B3GLCT: variants seen among roughly 807,000 people sequenced by gnomAD.
The protein encoded by B3GLCT is beta 3-glucosyltransferase.
A neutral mutation model predicts 63.4 loss-of-function variants in B3GLCT; 65 were observed. That is an observed-to-expected ratio of 1.03 (90% CI 0.84 to 1.26). B3GLCT has a LOEUF of 1.26. Ranked by LOEUF, B3GLCT falls within the 50% of genes most tolerant of loss-of-function variation. The probability of loss-of-function intolerance (pLI) is 0.00; values close to 1 mark genes in which losing one functional copy is unlikely to be tolerated. For missense variants in B3GLCT, 577 were observed against 604.8 expected (o/e 0.95, Z 0.48); for synonymous variants, 233 against 219.2 (o/e 1.06, Z -0.55).
At chr13:31,210,038 G>A (rs959766472) in intron 1 of B3GLCT, among the ~76,000 whole-genome samples, 20 of 152,130 alleles carry the variant, frequency 1.3e-4, no homozygotes, top group African/African-American at 4.8e-4. Context: ...TTAATTACTC[G>A]CCAGTTTTCT....
rs1875877542 is a variant in B3GLCT, at chr13:31,330,688, T to G, written c.*1020T>G. On this transcript the variant is annotated 3_prime_UTR_variant, in exon 15 of 15. Transcript: ENST00000343307. ...CACAGTATTTTGAAACAGCTCTAGT[T>G]TTCAAATTATATCTTTAATATATAG... 1 of 152,046 alleles carries G rather than the reference T, an allele frequency of 6.6e-6. No individual in the cohort carries two copies. Among genetic ancestry groups the G allele is most frequent in the South Asian group, 2.1e-4 (1 of 4,820 alleles). 9.4% of individuals were successfully genotyped at this position (152,046 alleles called of 1,614,324 possible). A position where few individuals can be genotyped will look rare whatever the true frequency, so the allele number is the denominator to read the frequency against.
At chr13:31,239,889 G>A (rs1021974330) in intron 4 of B3GLCT, among the ~76,000 whole-genome samples, 11 of 152,196 alleles carry the variant, frequency 7.2e-5, no homozygotes, top group African/African-American at 2.4e-4. Context: ...GTAGGTTCTA[G>A]TAAAGCAAGA....
intron 1 of B3GLCT, among the ~76,000 whole-genome samples, chr13:31,203,493 C>T (rs982302484): frequency 2.0e-5 from 3 of 152,120 alleles, no homozygotes; most frequent in Non-Finnish European, 2.9e-5. Context: ...TAACTTCCTG[C>T]GGGACAAACA....
intron 6 of B3GLCT, among the ~76,000 whole-genome samples, chr13:31,248,323 A>G (rs184687195): frequency 3.0e-4 from 46 of 152,340 alleles, no homozygotes; most frequent in Admixed American, 1.8e-3. Flanking sequence ...TTTTAGATAG[A>G]AAATTTTTTT....
chr13:31,230,510 G>C (rs1207908071), intron 4 of B3GLCT, among the ~76,000 whole-genome samples: 1 of 152,212 alleles, frequency 6.6e-6, no homozygotes. Flanking sequence ...TTCAAGGCAA[G>C]GAACTGCTGG....
intron 3 of B3GLCT, among the ~76,000 whole-genome samples, chr13:31,226,392 A>C (rs953286748): frequency 6.6e-6 from 1 of 152,220 alleles, no homozygotes; most frequent in African/African-American, 2.4e-5. Context: ...ATGATTTCTT[A>C]GTGGCTATGT....
chr13:31,274,191 G>T (rs1194319182), intron 8 of B3GLCT, among the ~76,000 whole-genome samples: 4 of 152,176 alleles, frequency 2.6e-5, no homozygotes, highest in Non-Finnish European at 4.4e-5. Context: ...GGAAACTGGA[G>T]CCATAATATT....
chr13:31,218,948 C>A (rs1226184666), intron 2 of B3GLCT, among the ~76,000 whole-genome samples: 2 of 128,054 alleles, frequency 1.6e-5, no homozygotes, highest in East Asian at 4.5e-4. Flanking sequence ...TTTTTTGCTT[C>A]TATTCAGGTG....
At chr13:31,227,854 G>T (rs1489358392) in intron 3 of B3GLCT, among the ~76,000 whole-genome samples, 3 of 152,226 alleles carry the variant, frequency 2.0e-5, no homozygotes, top group African/African-American at 7.2e-5. Context: ...GTCCCCACAT[G>T]GCTTTGCTGA....
intron 12 of B3GLCT, among the ~76,000 whole-genome samples, chr13:31,309,829 T>C (rs950678091): frequency 1.3e-5 from 2 of 152,192 alleles, no homozygotes; most frequent in African/African-American, 4.8e-5. Flanking sequence ...AAGAAGCCCA[T>C]GTTCTAAACC....
chr13:31,231,569 T>A (rs527375406), intron 4 of B3GLCT, among the ~76,000 whole-genome samples: 1 of 152,276 alleles, frequency 6.6e-6, no homozygotes, highest in African/African-American at 2.4e-5. Context: ...TTATTTTATT[T>A]TTGGCCAATT....
chr13:31,309,397 A>G (rs376742337), intron 12 of B3GLCT, among the ~76,000 whole-genome samples: 7 of 152,208 alleles, frequency 4.6e-5, no homozygotes, highest in African/African-American at 9.7e-5. Flanking sequence ...TTCTGACACC[A>G]TCTGCCTGGA....
chr13:31,235,040 C>A (rs1870578979), intron 4 of B3GLCT, among the ~76,000 whole-genome samples: 1 of 152,094 alleles, frequency 6.6e-6, no homozygotes, highest in Admixed American at 6.5e-5. Context: ...CCCTCCACCA[C>A]AGCAGTTTGA....
intron 4 of B3GLCT, among the ~76,000 whole-genome samples, chr13:31,239,814 C>A (rs1435011790): frequency 6.6e-6 from 1 of 151,888 alleles, no homozygotes. Flanking sequence ...TCCAGAGGAA[C>A]TTTACGTAAG....
intron 12 of B3GLCT, chr13:31,312,346 CTA>C (rs1874757194): frequency 6.6e-6 from 1 of 152,144 alleles, no homozygotes; most frequent in South Asian, 2.1e-4. Context: ...CAAGGATACT[CTA>C]TGTGTAAGCC....
chr13:31,276,765 G>A lies in B3GLCT; in HGVS notation c.844G>A (p.Asp282Asn), dbSNP rs375308431. The change falls in exon 10 of 15, where the codon GAC becomes AAC. Residue 282 changes from aspartate (D) to asparagine (N), a missense_variant. Asp to Asn is a conservative substitution (Grantham distance 23, BLOSUM62 1). Coordinates refer to ENST00000343307, the MANE Select transcript of B3GLCT (RefSeq NM_194318.4). ...AAAAACATGCAAGAAATTTCATGGT[G>A]ACAGAAGTATGTTTTGGGTTATTCA... is the stretch of plus-strand genomic sequence containing the variant. ...AVKTCKKFHG[D>N]RIPIVKQTWE... 1 of 1,610,684 alleles carries A rather than the reference G, an allele frequency of 6.2e-7. No individual in the cohort carries two copies.
At chr13:31,270,670 C>T (rs570573859) in intron 8 of B3GLCT, among the ~76,000 whole-genome samples, 1 of 152,324 alleles carries the variant, frequency 6.6e-6, no homozygotes, top group African/African-American at 2.4e-5. Context: ...TCCGTCTCCC[C>T]ACACTAAACT....
At chr13:31,263,539 T>C (rs1872146809) in intron 7 of B3GLCT, among the ~76,000 whole-genome samples, 1 of 152,186 alleles carries the variant, frequency 6.6e-6, no homozygotes, top group Admixed American at 6.5e-5. Context: ...GCAGGCTTTG[T>C]TGGCTCTGGC....
intron 12 of B3GLCT, among the ~76,000 whole-genome samples, chr13:31,315,358 G>A (rs1874943395): frequency 6.6e-6 from 1 of 152,146 alleles, no homozygotes; most frequent in Admixed American, 6.5e-5. Context: ...GGAACTTATT[G>A]GGAACTGGAG....
Sources: gnomAD v4.1 joint callset for allele counts (sites outside exome capture counted in the v4.1 genomes callset) on GRCh38, gnomAD v4.1.1 for gene constraint, MANE v1.5 for transcripts, NCBI Gene and HGNC (gene_info 2026-07-23, HGNC 2026-07-21) for gene names.